Variants in PNPLA7 observed in about 807,000 individuals in gnomAD.
The protein encoded by PNPLA7 is patatin-like phospholipase domain-containing protein 7.
PNPLA7 carries 153 observed loss-of-function variants against 161.7 expected under a neutral mutation model. That is an observed-to-expected ratio of 0.95 (90% CI 0.83 to 1.08). PNPLA7 has a LOEUF of 1.08. Ranked by LOEUF, PNPLA7 falls within the 50% of genes least tolerant of loss-of-function variation. PNPLA7 has a pLI of 0.00. For synonymous variants in PNPLA7, 809 were observed against 782.1 expected (o/e 1.03, Z -0.57); for missense variants, 1,739 against 1,856.6 (o/e 0.94, Z 1.16).
intron 12 of PNPLA7, among the ~76,000 whole-genome samples, chr9:137,513,032 C>T (rs1834320519): frequency 6.6e-6 from 1 of 151,088 alleles, no homozygotes. Context: ...TGCCCGATGG[C>T]ACAAAAAAAG....
rs778718300 is a variant in PNPLA7, at chr9:137,501,640, C to A, written c.1551+10G>T. 3.7e-6 allele frequency: 6 copies of A among 1,611,306 alleles called. No individual in the cohort carries two copies. Among genetic ancestry groups the A allele is most frequent in the Non-Finnish European group, 5.1e-6 (6 of 1,179,348 alleles). ...GTGGTCCCAGTGCCCCCCCCCAGAC[C>A]CCCGCTCACCTGGTCTCCCTGCCTT... On this transcript the variant is annotated intron_variant, in intron 15 of 34. Coordinates refer to ENST00000406427, the MANE Select transcript of PNPLA7 (RefSeq NM_001098537.3).
Position 137,478,067 on chromosome 9 carries a change from G to T in PNPLA7, c.2849C>A (p.Ala950Asp). 1 of 1,417,708 alleles carries T rather than the reference G, an allele frequency of 7.1e-7. No homozygotes were observed. The highest frequency in any genetic ancestry group is 9.2e-7 in the Non-Finnish European group (1 of 1,083,432). 87.8% of individuals were successfully genotyped at this position (1,417,708 alleles called of 1,614,324 possible). A position where few individuals can be genotyped will look rare whatever the true frequency, so the allele number is the denominator to read the frequency against. Residue 950 changes from alanine (A) to aspartate (D), a missense_variant, in exon 25 of 35, where the codon GCC becomes GAC. Ala to Asp is a moderately radical substitution (Grantham distance 126). Around this residue, in one of 6 missense-constraint regions of PNPLA7, gnomAD observed 703 missense variants for 694.6 expected, o/e 1.01. Transcript: ENST00000406427. ...SRLARVLTGN[A>D]IALVLGGGGA... Reference sequence around the variant, plus strand: ...CCCTCCCCCAAGCACCAGGGCAATGGCGTTGCCCGTCAGCACCCTCGCCAG... The same window carrying T: ...CCCTCCCCCAAGCACCAGGGCAATGTCGTTGCCCGTCAGCACCCTCGCCAG...
In PNPLA7 at chr9:137,486,893, C is replaced by T. The variant is rs553778652; in HGVS notation, c.2198-2157G>A. 1.3e-5 allele frequency among the ~76,000 whole-genome samples: 2 copies of T among 152,084 alleles called. No individual in the cohort carries two copies. Among genetic ancestry groups the T allele is most frequent in the Non-Finnish European group, 2.9e-5 (2 of 68,006 alleles). On this transcript the variant is annotated intron_variant, in intron 20 of 34. Transcript: ENST00000406427. The surrounding 1 kb of genome is among the most constrained non-coding windows in gnomAD (Gnocchi z 6.0). ...CGGTCCCTGAGAGCTGCTGGTGACC[C>T]CCACACCACACAGCTCTCTTCCTGG...
chr9:137,466,973 C>T (rs1375404386), intron 26 of PNPLA7, among the ~76,000 whole-genome samples: 2 of 149,784 alleles, frequency 1.3e-5, no homozygotes, highest in East Asian at 1.9e-4. Context: ...AGACCGCCTC[C>T]CACCACCGTC....
chr9:137,509,550 T>G, intron 12 of PNPLA7: 2 of 292,334 alleles, frequency 6.8e-6, no homozygotes, highest in East Asian at 1.8e-4. Context: ...CGAATGAGTT[T>G]AACTGGTGTG....
chr9:137,477,386 G>A (rs778692391), intron 25 of PNPLA7, among the ~76,000 whole-genome samples: 9 of 152,174 alleles, frequency 5.9e-5, no homozygotes, highest in Non-Finnish European at 1.3e-4. Context: ...ACCAGATGCT[G>A]GGAAAGACCG....
rs1334687689 is a variant in PNPLA7 at position 137,492,928 on chromosome 9, AGGGCGGGGCCATGGGCTGGGT to A, written c.2197+64_2197+84del. On this transcript the variant is annotated intron_variant, in intron 20 of 34. Coordinates refer to ENST00000406427, the MANE Select transcript of PNPLA7 (RefSeq NM_001098537.3). ...GGACAGGGCGGGGCCATGGGCTGGG[AGGGCGGGGCCATGGGCTGGGT>A]GGGCGGGGCTCCAGGACTGGGTGAG... The A allele has an allele frequency of 8.9e-4, 686 of 770,784 alleles. 2 individuals carry two copies. Among genetic ancestry groups the A allele is most frequent in the South Asian group, 3.3e-3 (167 of 50,806 alleles). 47.7% of individuals were successfully genotyped at this position (770,784 alleles called of 1,614,324 possible).
At chr9:137,528,154 G>A (rs1393583635) in intron 8 of PNPLA7, among the ~76,000 whole-genome samples, 1 of 152,166 alleles carries the variant, frequency 6.6e-6, no homozygotes, top group African/African-American at 2.4e-5. Context: ...TAGTCTGGCT[G>A]GAGGATTTTT....
At chr9:137,461,712 G>A (rs1831206135) in intron 32 of PNPLA7, 92 bp from the exon 33 acceptor site, 11 of 1,357,730 alleles carry the variant, frequency 8.1e-6, no homozygotes, top group Non-Finnish European at 8.1e-6. Context: ...CCCACCCTGC[G>A]CCCTCTCTGC....
rs1249467460 is a variant in PNPLA7 at position 137,460,032 on chromosome 9, C to T, written c.*361G>A. 2.4e-5 allele frequency: 6 copies of T among 246,138 alleles called. No homozygotes were observed. The highest frequency in any genetic ancestry group is 4.1e-5 in the Non-Finnish European group (5 of 120,978). The allele number at this position is 246,138 out of a possible 1,614,324, so 15.2% of individuals were successfully genotyped here. ...ACCTCACAGGGCAGCAGGCAGTTCACAGGACAGCAGGCAGTTCACAGGGCT... is the reference window on the plus strand; with the variant it reads ...ACCTCACAGGGCAGCAGGCAGTTCATAGGACAGCAGGCAGTTCACAGGGCT... On this transcript the variant is annotated 3_prime_UTR_variant, in exon 35 of 35. Transcript: ENST00000406427.
At chr9:137,549,187 G>C (rs964276710) in intron 1 of PNPLA7, among the ~76,000 whole-genome samples, 6 of 152,196 alleles carry the variant, frequency 3.9e-5, no homozygotes, top group Admixed American at 2.6e-4. Flanking sequence ...GTTTGACTAA[G>C]AAAAAGATTC....
rs946575267 is a variant in PNPLA7 at position 137,543,049 on chromosome 9, G to A, written c.507-248C>T. 1.3e-5 allele frequency among the ~76,000 whole-genome samples: 2 copies of A among 152,148 alleles called. No homozygotes were observed. The highest frequency in any genetic ancestry group is 2.1e-4 in the South Asian group (1 of 4,826). On this transcript the variant is annotated intron_variant, in intron 6 of 34. Transcript: ENST00000406427. The surrounding 1 kb of genome is among the most constrained non-coding windows in gnomAD (Gnocchi z 6.9). ...CCGTGAACCTGAGCCACACACACAC[G>A]GGAGGAAGGCAAAGGTGGCCTCCAG... is the stretch of plus-strand genomic sequence containing the variant.
chr9:137,523,886 T>A lies in PNPLA7; in HGVS notation c.748-1029A>T, dbSNP rs1478547384. Reference sequence around the variant, plus strand: ...ACCTCGTGATCCGCCCACCTCGGCCTCCCAAAGTGCTGGGATTACCGGCGT... The same window carrying A: ...ACCTCGTGATCCGCCCACCTCGGCCACCCAAAGTGCTGGGATTACCGGCGT... On this transcript the variant is annotated intron_variant, in intron 8 of 34. Coordinates refer to ENST00000406427, the MANE Select transcript of PNPLA7 (RefSeq NM_001098537.3). This position sits in a 1 kb window ranked among gnomAD's most constrained non-coding sequence, Gnocchi z 4.4. Among the ~76,000 whole-genome samples, 1 of 152,066 alleles carries A rather than the reference T, an allele frequency of 6.6e-6. No individual in the cohort carries two copies. The highest frequency in any genetic ancestry group is 2.4e-5 in the African/African-American group (1 of 41,410).
intron 8 of PNPLA7, among the ~76,000 whole-genome samples, chr9:137,527,127 T>C (rs1323603559): frequency 6.6e-6 from 1 of 151,686 alleles, no homozygotes; most frequent in East Asian, 1.9e-4. Flanking sequence ...ATTAGCCGGG[T>C]GTGGTGGCAG....
intron 33 of PNPLA7, 82 bp from the exon 34 acceptor site, chr9:137,460,819 G>A (rs1009802787): frequency 3.1e-5 from 40 of 1,300,824 alleles, no homozygotes; most frequent in Middle Eastern, 1.9e-4. Context: ...AGGCAGAACC[G>A]GCCACAGATG....
At chr9:137,502,730 G>GGGGGGGCGC (rs1833539032) in intron 14 of PNPLA7, among the ~76,000 whole-genome samples, 1 of 40,986 alleles carries the variant, frequency 2.4e-5, no homozygotes, top group African/African-American at 1.4e-4. Flanking sequence ...GCGGGGGACG[G>GGGGGGGCGC]GGGGGACGAG....
Position 137,523,240 on chromosome 9 carries a change from G to A in PNPLA7, c.748-383C>T, listed in dbSNP as rs752264349. ...GCGTCGGTACCCCTCGCCAAAGGGC[G>A]TGCCAGACACCAACCTGAGCGGGCT... On this transcript the variant is annotated intron_variant, in intron 8 of 34. Coordinates refer to ENST00000406427, the MANE Select transcript of PNPLA7 (RefSeq NM_001098537.3). This position sits in a 1 kb window ranked among gnomAD's most constrained non-coding sequence, Gnocchi z 4.4. Among the ~76,000 whole-genome samples, 14 of 152,152 alleles carry A rather than the reference G, an allele frequency of 9.2e-5. No homozygotes were observed. The highest frequency in any genetic ancestry group is 4.1e-4 in the South Asian group (2 of 4,826).
Position 137,524,947 on chromosome 9 carries a change from A to G in PNPLA7, c.748-2090T>C, listed in dbSNP as rs1426776407. ...AAAGAATTTAGCTGGTCTTGTCTTC[A>G]GTTCCCAGGAGAAAGCCCTCAAGAT... On this transcript the variant is annotated intron_variant, in intron 8 of 34. Transcript: ENST00000406427. This position sits in a 1 kb window ranked among gnomAD's most constrained non-coding sequence, Gnocchi z 4.4. Among the ~76,000 whole-genome samples, 1 of 152,224 alleles carries G rather than the reference A, an allele frequency of 6.6e-6. No individual in the cohort carries two copies. Among genetic ancestry groups the G allele is most frequent in the Non-Finnish European group, 1.5e-5 (1 of 68,030 alleles).
intron 4 of PNPLA7, 79 bp downstream of exon 4, chr9:137,546,751 C>T: frequency 7.4e-7 from 1 of 1,354,180 alleles, no homozygotes; most frequent in South Asian, 1.2e-5. Context: ...CCTGGGGGAG[C>T]CCACAGCAGA....
Sources: gnomAD v4.1 joint callset for allele counts (sites outside exome capture counted in the v4.1 genomes callset) on GRCh38, gnomAD v4.1.1 for gene constraint, gnomAD v4.1.1 regional missense constraint, Gnocchi (gnomAD v3.1) non-coding constraint, MANE v1.5 for transcripts, NCBI Gene and HGNC (gene_info 2026-07-23, HGNC 2026-07-21) for gene names.